The following NR2C1 variants were observed in gnomAD, a reference collection of about 807,000 sequenced individuals.
NR2C1 encodes the protein nuclear receptor subfamily 2 group C member 1.
In NR2C1, 33 loss-of-function variants were observed where a neutral mutation model predicts 74.8. The ratio of observed to expected loss-of-function variants is 0.44; its 90% CI spans 0.33 to 0.59. The LOEUF is 0.59. Ranked by LOEUF, NR2C1 falls within the 20% of genes least tolerant of loss-of-function variation. The pLI is 0.02. For synonymous variants in NR2C1, 225 were observed against 240.6 expected (o/e 0.94, Z 0.60); for missense variants, 568 against 715.6 (o/e 0.79, Z 2.35).
intron 2 of NR2C1, among the ~76,000 whole-genome samples, chr12:95,065,057 CATA>C (rs1157938266): frequency 6.6e-6 from 1 of 152,182 alleles, no homozygotes; most frequent in Non-Finnish European, 1.5e-5. Context: ...ATTACTGCAG[CATA>C]ATAATTGTAA....
At chr12:95,028,720 C>T (rs1869679801) in intron 11 of NR2C1, among the ~76,000 whole-genome samples, 196 bp from the exon 12 acceptor site, 1 of 152,182 alleles carries the variant, frequency 6.6e-6, no homozygotes, top group African/African-American at 2.4e-5. Flanking sequence ...ACCTCTGCCT[C>T]CTGGACTCAA....
chr12:95,045,006 C>G (rs1436649987), intron 9 of NR2C1, among the ~76,000 whole-genome samples: 3 of 152,144 alleles, frequency 2.0e-5, no homozygotes, highest in Non-Finnish European at 4.4e-5. Context: ...GAGTTTGAGA[C>G]CAGCCTGGGC....
At chr12:95,036,533 G>C (rs978739905) in intron 10 of NR2C1, among the ~76,000 whole-genome samples, 4 of 147,472 alleles carry the variant, frequency 2.7e-5, no homozygotes, top group African/African-American at 1.0e-4. Context: ...TTTTTTGAAG[G>C]AGAGTCTCAC....
rs1436527850 is a variant in NR2C1 at position 95,025,188 on chromosome 12, T to C, written c.1599A>G (p.Gln533=). The change falls in exon 13 of 14, where the codon CAA becomes CAG. Residue 533 remains glutamine, a synonymous_variant. Coordinates refer to ENST00000333003, the MANE Select transcript of NR2C1 (RefSeq NM_003297.4). ...KFQEKAYVEF[Q]DYITKTYPDD... ...CTGGATATGTTTTGGTTATATAATC[T>C]TGGAATTCCACATAAGCCTTTTCCT... 1 of 1,603,708 alleles carries C rather than the reference T, an allele frequency of 6.2e-7. No individual in the cohort carries two copies. The highest frequency in any genetic ancestry group is 8.5e-7 in the Non-Finnish European group (1 of 1,171,778).
intron 8 of NR2C1, 62 bp from the exon 9 acceptor site, chr12:95,049,295 C>T (rs1031966790): frequency 6.6e-7 from 1 of 1,506,368 alleles, no homozygotes; most frequent in Non-Finnish European, 9.0e-7. Context: ...AACAATTCTA[C>T]ATAGGATTCT....
chr12:95,031,053 C>T (rs1870035238), intron 11 of NR2C1, among the ~76,000 whole-genome samples: 1 of 152,130 alleles, frequency 6.6e-6, no homozygotes. Flanking sequence ...ATTTGACCAC[C>T]TCTACATAAG....
rs898269449 is a variant in NR2C1, at chr12:95,049,209, T to C, written c.990A>G (p.Ala330=). Residue 330 remains alanine, a synonymous_variant, in exon 9 of 14, where the codon GCA becomes GCG. Transcript: ENST00000333003. ...AGGCTGTGCTCTCTCCAGGATTCAATGCTTTTGCAAGAGTGTCAAATGCCC... is the reference window on the plus strand; with the variant it reads ...AGGCTGTGCTCTCTCCAGGATTCAACGCTTTTGCAAGAGTGTCAAATGCCC... ...VSRAFDTLAK[A]LNPGESTACQ... The C allele has an allele frequency of 1.2e-6, 2 of 1,613,974 alleles. No homozygotes were observed. Among genetic ancestry groups the C allele is most frequent in the African/African-American group, 1.3e-5 (1 of 74,924 alleles).
intron 1 of NR2C1, chr12:95,072,925 G>C (rs1876928454): frequency 6.6e-6 from 1 of 152,224 alleles, no homozygotes; most frequent in South Asian, 2.1e-4. Flanking sequence ...CGGGACTTGC[G>C]GCCACTAGCC....
intron 12 of NR2C1, among the ~76,000 whole-genome samples, chr12:95,026,587 A>G (rs912635469): frequency 5.9e-5 from 9 of 152,222 alleles, no homozygotes; most frequent in Non-Finnish European, 7.3e-5. Context: ...TGTTCCTTCA[A>G]TTTTCACCTA....
At chr12:95,049,548 T>A (rs113356043) in intron 8 of NR2C1, 1 of 186,294 alleles carries the variant, frequency 5.4e-6, no homozygotes, top group African/African-American at 2.3e-5. Flanking sequence ...CAGTGAGCTA[T>A]GATCACACCA....
At position 95,022,269 on chromosome 12, in the gene NR2C1, G is replaced by A; in HGVS notation, c.1772C>T (p.Pro591Leu). Residue 591 changes from proline (P) to leucine (L), a missense_variant, in exon 14 of 14, where the codon CCT (proline) becomes CTT (leucine). By Grantham distance (98) the Pro-to-Leu change is moderately conservative. Transcript: ENST00000333003. Reference sequence around the variant, plus strand: ...AATTATTTGAGAGTTATAATCTGCAGGCTCCATTTTCAAAATATGTGGGAT... The same window carrying A: ...AATTATTTGAGAGTTATAATCTGCAAGCTCCATTTTCAAAATATGTGGGAT... Reference protein sequence around the residue: ...SVIPHILKMEPADYNSQIIGH... With the variant: ...SVIPHILKMELADYNSQIIGH... 6.2e-7 allele frequency: 1 copy of A among 1,612,536 alleles called. No individual in the cohort carries two copies. The highest frequency in any genetic ancestry group is 8.5e-7 in the Non-Finnish European group (1 of 1,179,650).
intron 8 of NR2C1, among the ~76,000 whole-genome samples, chr12:95,050,507 C>G (rs1323563693): frequency 6.6e-6 from 1 of 152,068 alleles, no homozygotes; most frequent in Non-Finnish European, 1.5e-5. Flanking sequence ...TGGGGTTTCA[C>G]CATGTTGGCC....
At chr12:95,035,086 C>G (rs1053585147) in intron 10 of NR2C1, among the ~76,000 whole-genome samples, 1 of 152,050 alleles carries the variant, frequency 6.6e-6, no homozygotes, top group Admixed American at 6.6e-5. Flanking sequence ...AAATGGAATA[C>G]TATAATAGAA....
intron 12 of NR2C1, chr12:95,025,461 C>T: frequency 3.0e-6 from 1 of 335,154 alleles, no homozygotes; most frequent in Non-Finnish European, 5.3e-6. Context: ...GAGTTCAAGA[C>T]CAGCCTGACC....
In NR2C1 at chr12:95,020,424, C is replaced by T. The variant is rs1868670214; in HGVS notation, c.*1805G>A. 2 of 152,040 alleles carry T rather than the reference C, an allele frequency of 1.3e-5. No homozygotes were observed. The highest frequency in any genetic ancestry group is 3.9e-4 in the East Asian group (2 of 5,192). 9.4% of individuals were successfully genotyped at this position (152,040 alleles called of 1,614,324 possible). A position where few individuals can be genotyped will look rare whatever the true frequency, so the allele number is the denominator to read the frequency against. ...TTCCCTGATTCCTTGGCTTACTAAA[C>T]TGTATTTATAAAGGTATAAACTACT... On this transcript the variant is annotated 3_prime_UTR_variant, in exon 14 of 14. Transcript: ENST00000333003.
chr12:95,033,988 C>T (rs1364508548), intron 10 of NR2C1, among the ~76,000 whole-genome samples: 1 of 152,128 alleles, frequency 6.6e-6, no homozygotes, highest in Non-Finnish European at 1.5e-5. Flanking sequence ...TTGGTAAGAA[C>T]GTCCTGATAG....
intron 4 of NR2C1, among the ~76,000 whole-genome samples, chr12:95,059,573 G>C (rs374108539): frequency 6.6e-6 from 1 of 151,396 alleles, no homozygotes; most frequent in South Asian, 2.1e-4. Flanking sequence ...TTAGCCATGC[G>C]TGCTGGCATG....
chr12:95,030,352 T>C, intron 11 of NR2C1: 1 of 813,850 alleles, frequency 1.2e-6, no homozygotes, highest in South Asian at 4.1e-5. Flanking sequence ...AAGACTACTA[T>C]AATAAAAACA....
At chr12:95,072,236 G>C (rs896324457) in intron 1 of NR2C1, among the ~76,000 whole-genome samples, 8 of 149,920 alleles carry the variant, frequency 5.3e-5, no homozygotes, top group African/African-American at 1.7e-4. Context: ...AGACCATCCT[G>C]GCCAACATAG....
Sources: gnomAD v4.1 joint callset for allele counts (sites outside exome capture counted in the v4.1 genomes callset) on GRCh38, gnomAD v4.1.1 for gene constraint, MANE v1.5 for transcripts, NCBI Gene and HGNC (gene_info 2026-07-23, HGNC 2026-07-21) for gene names.